The following SCAPER variants were observed in gnomAD, a reference collection of about 807,000 sequenced individuals.
The protein encoded by SCAPER is S phase cyclin A-associated protein in the endoplasmic reticulum.
A neutral mutation model predicts 182.2 loss-of-function variants in SCAPER; 98 were observed. The observed-to-expected ratio is 0.54, with a 90% confidence interval of 0.46 to 0.64. The LOEUF is 0.64. Ranked by LOEUF, SCAPER falls within the 30% of genes least tolerant of loss-of-function variation. The pLI is 0.00. For synonymous variants in SCAPER, 605 were observed against 564.6 expected (o/e 1.07, Z -1.01); for missense variants, 1,432 against 1,690.0 (o/e 0.85, Z 2.68).
Position 76,485,432 on chromosome 15 carries a change from T to A in SCAPER, c.2955-14097A>T, listed in dbSNP as rs141848715. ...ATTCCATGCTTATGGATAGAAAGAC[T>A]CAATATCGTTAAAATGGCCATATTG... is the stretch of plus-strand genomic sequence containing the variant. On this transcript the variant is annotated intron_variant, in intron 24 of 31. Transcript: ENST00000563290. Among the ~76,000 whole-genome samples the A allele has an allele frequency of 4.2e-3, 640 of 152,236 alleles. 2 individuals are homozygous for A. Among genetic ancestry groups the A allele is most frequent in the Non-Finnish European group, 6.3e-3 (427 of 68,010 alleles).
intron 23 of SCAPER, among the ~76,000 whole-genome samples, chr15:76,553,778 TAC>T (rs2045969637): frequency 6.6e-6 from 1 of 151,290 alleles, no homozygotes; most frequent in South Asian, 2.1e-4. Flanking sequence ...CACATTATAC[TAC>T]AGTCAAACTC....
Position 76,699,060 on chromosome 15 carries a change from C to T in SCAPER, c.2508+2698G>A, listed in dbSNP as rs185453691. On this transcript the variant is annotated intron_variant, in intron 20 of 31. Transcript: ENST00000563290. ...GAGACTGAGTTCTTGATTTGGGTCT[C>T]AGCTTTGATGTTGTTGCTGTGTAGA... Among the ~76,000 whole-genome samples the T allele has an allele frequency of 5.3e-5, 8 of 152,272 alleles. No homozygotes were observed. In the East Asian group the frequency reaches 1.5e-3, roughly 29 times the overall value.
chr15:76,795,791 G>C (rs1346874087), intron 7 of SCAPER, among the ~76,000 whole-genome samples: 1 of 152,172 alleles, frequency 6.6e-6, no homozygotes, highest in Non-Finnish European at 1.5e-5. Context: ...GCCAGGCACA[G>C]TGGCTCACAC....
intron 29 of SCAPER, among the ~76,000 whole-genome samples, chr15:76,370,291 ATTTTTTT>A (rs10524497): frequency 2.6e-4 from 31 of 119,452 alleles, no homozygotes; most frequent in African/African-American, 6.6e-4. Flanking sequence ...TACCATTTCA[ATTTTTTT>A]TTTTTTTTTT....
At chr15:76,370,660 T>G (rs1347035192) in intron 29 of SCAPER, among the ~76,000 whole-genome samples, 3 of 152,170 alleles carry the variant, frequency 2.0e-5, no homozygotes, top group African/African-American at 7.2e-5. Flanking sequence ...GTCACTGCTA[T>G]CCACTTCCAG....
intron 8 of SCAPER, among the ~76,000 whole-genome samples, chr15:76,793,885 G>A (rs977670716): frequency 5.3e-5 from 8 of 152,148 alleles, no homozygotes; most frequent in Non-Finnish European, 8.8e-5. Flanking sequence ...TCAACCTGTG[G>A]GATCTGACAC....
At chr15:76,472,059 A>G (rs532995483) in intron 24 of SCAPER, 54 of 276,222 alleles carry the variant, frequency 2.0e-4, no homozygotes, top group African/African-American at 1.0e-3. Flanking sequence ...CTGCTGCTGC[A>G]TTCCTGCATC....
chr15:76,531,874 A>G (rs2043700350), intron 23 of SCAPER, among the ~76,000 whole-genome samples: 2 of 152,176 alleles, frequency 1.3e-5, no homozygotes, highest in Admixed American at 1.3e-4. Context: ...CACTCAGCAG[A>G]TTCCTTTGGC....
In SCAPER at chr15:76,716,923, A is replaced by G. The variant is rs116320118; in HGVS notation, c.2166-10939T>C. Reference sequence around the variant, plus strand: ...GAGAGAGAGATCTACATACAAGTCAATGAAGCTCAAAGATCTCAGATAAAC... The same window carrying G: ...GAGAGAGAGATCTACATACAAGTCAGTGAAGCTCAAAGATCTCAGATAAAC... On this transcript the variant is annotated intron_variant, in intron 17 of 31. Transcript: ENST00000563290. Among the ~76,000 whole-genome samples, 1,243 of 152,232 alleles carry G rather than the reference A, an allele frequency of 8.2e-3. 14 individuals carry two copies. The highest frequency in any genetic ancestry group is 0.028 in the African/African-American group (1,179 of 41,572).
chr15:76,865,756 C>A (rs1320554046), intron 2 of SCAPER, among the ~76,000 whole-genome samples: 1 of 152,158 alleles, frequency 6.6e-6, no homozygotes, highest in Non-Finnish European at 1.5e-5. Context: ...TACTCTAATT[C>A]TCTGTGATGA....
At chr15:76,851,210 A>C (rs2070723298) in intron 4 of SCAPER, among the ~76,000 whole-genome samples, 1 of 152,168 alleles carries the variant, frequency 6.6e-6, no homozygotes, top group Non-Finnish European at 1.5e-5. Context: ...AAATCTGTGA[A>C]TCACTGGCAT....
Position 76,522,331 on chromosome 15 carries a change from C to T in SCAPER, c.2839-17357G>A, listed in dbSNP as rs114579908. On this transcript the variant is annotated intron_variant, in intron 23 of 31. Transcript: ENST00000563290. ...TGGTGGAGAGATACTTCTTCAATCACTATACAATGACTGATTCACCAGTAG... is the reference window on the plus strand; with the variant it reads ...TGGTGGAGAGATACTTCTTCAATCATTATACAATGACTGATTCACCAGTAG... Among the ~76,000 whole-genome samples the T allele has an allele frequency of 7.2e-3, 1,097 of 152,212 alleles. 15 individuals carry two copies. The highest frequency in any genetic ancestry group is 0.026 in the African/African-American group (1,065 of 41,538).
chr15:76,873,331 A>AAGGAAGGAAGGCAGGC (rs1568382432), intron 2 of SCAPER, among the ~76,000 whole-genome samples: 2 of 83,738 alleles, frequency 2.4e-5, no homozygotes, highest in African/African-American at 9.1e-5. Flanking sequence ...GGAAGGAAGG[A>AAGGAAGGAAGGCAGGC]AGGCAGGCAG....
chr15:76,796,286 A>C (rs2151479754), intron 7 of SCAPER, among the ~76,000 whole-genome samples: 1 of 152,244 alleles, frequency 6.6e-6, no homozygotes, highest in East Asian at 1.9e-4. Context: ...TATTTTCCCC[A>C]AATTTTTATA....
chr15:76,684,683 A>G (rs904160589), intron 20 of SCAPER, among the ~76,000 whole-genome samples: 3 of 151,738 alleles, frequency 2.0e-5, no homozygotes, highest in Non-Finnish European at 4.4e-5. Context: ...GTATAAAAAT[A>G]AATTTCTAGA....
intron 23 of SCAPER, among the ~76,000 whole-genome samples, chr15:76,562,166 A>T (rs1298384051): frequency 2.0e-5 from 3 of 150,822 alleles, no homozygotes; most frequent in African/African-American, 7.3e-5. Flanking sequence ...AAAAAAAAAA[A>T]AAAATTAATA....
intron 17 of SCAPER, among the ~76,000 whole-genome samples, chr15:76,717,371 G>A (rs1006528724): frequency 1.3e-5 from 2 of 152,140 alleles, no homozygotes; most frequent in Non-Finnish European, 2.9e-5. Context: ...TAAATACTTA[G>A]TCAAATCAGA....
chr15:76,370,974 G>C (rs992325714), intron 29 of SCAPER, among the ~76,000 whole-genome samples: 1 of 152,094 alleles, frequency 6.6e-6, no homozygotes, highest in Non-Finnish European at 1.5e-5. Flanking sequence ...ACCCCCCACC[G>C]CTAGCCAAGG....
chr15:76,845,957 T>C (rs1016575009), intron 4 of SCAPER, among the ~76,000 whole-genome samples: 8 of 152,016 alleles, frequency 5.3e-5, no homozygotes, highest in Middle Eastern at 3.4e-3. Context: ...TAAAGAACTA[T>C]AGTAACTCAA....
Sources: gnomAD v4.1 joint callset for allele counts (sites outside exome capture counted in the v4.1 genomes callset) on GRCh38, gnomAD v4.1.1 for gene constraint, MANE v1.5 for transcripts, NCBI Gene and HGNC (gene_info 2026-07-23, HGNC 2026-07-21) for gene names.